Variants in IFIH1 observed in about 807,000 individuals in gnomAD.
The protein encoded by IFIH1 is interferon-induced helicase C domain-containing protein 1.
In IFIH1, 125 loss-of-function variants were observed where a neutral mutation model predicts 107.4. That is an observed-to-expected ratio of 1.16 (90% confidence interval 1.01 to 1.35). The LOEUF (loss-of-function observed/expected upper bound fraction) is 1.35. Ranked by LOEUF, IFIH1 falls within the 40% of genes most tolerant of loss-of-function variation. The pLI, the probability that IFIH1 is intolerant of heterozygous loss-of-function variation, is 0.00. For synonymous variants in IFIH1, 458 were observed against 413.2 expected, an observed-to-expected ratio of 1.11 and a Z score of -1.31; for missense variants, 1,333 against 1,213.7, an observed-to-expected ratio of 1.10 and a Z score of -1.46.
At chr2:162,273,733 C>A (rs1691091135) in intron 12 of IFIH1, 62 bp downstream of exon 12, 2 of 1,195,808 alleles carry the variant, frequency 1.7e-6, no homozygotes, top group Non-Finnish European at 2.3e-6. Flanking sequence ...TAAAAGAAAG[C>A]AATTAAAATA....
At position 162,279,979 on chromosome 2, in the gene IFIH1, A is replaced by G; in HGVS notation, c.1641+17T>C. On this transcript the variant is annotated intron_variant, in intron 8 of 15. Coordinates refer to ENST00000649979, the MANE Select transcript of IFIH1 (RefSeq NM_022168.4). ...GTAGTATTGTCAATCAATAGATATA[A>G]AACATTAAGCCCATACTTCTCTGGT... 7.7e-7 allele frequency: 1 copy of G among 1,304,238 alleles called. No individual in the cohort carries two copies. The highest frequency in any genetic ancestry group is 1.1e-6 in the Non-Finnish European group (1 of 898,048). 80.8% of individuals were successfully genotyped at this position (1,304,238 alleles called of 1,614,324 possible).
rs767679225 is a variant in IFIH1, at chr2:162,284,492, C to T, written c.1096-1916G>A. 1.1e-4 allele frequency among the ~76,000 whole-genome samples: 16 copies of T among 152,024 alleles called. 1 individual carries two copies. The East Asian group carries it at 1.2e-3, about 11-fold the overall frequency. On this transcript the variant is annotated intron_variant, in intron 5 of 15. Coordinates refer to ENST00000649979, the MANE Select transcript of IFIH1 (RefSeq NM_022168.4). Reference sequence around the variant, plus strand: ...TGTATTGTCAGTACTAAAACTTCCACGATATTTCACCAATCCTTTTATTCT... The same window carrying T: ...TGTATTGTCAGTACTAAAACTTCCATGATATTTCACCAATCCTTTTATTCT...
At chr2:162,283,824 C>T (rs2105204518) in intron 5 of IFIH1, among the ~76,000 whole-genome samples, 1 of 151,412 alleles carries the variant, frequency 6.6e-6, no homozygotes, top group African/African-American at 2.4e-5. Flanking sequence ...GTCTGGGGGG[C>T]TGGAAGAAGG....
chr2:162,311,894 A>G (rs1483845789), intron 1 of IFIH1, among the ~76,000 whole-genome samples: 1 of 152,210 alleles, frequency 6.6e-6, no homozygotes, highest in African/African-American at 2.4e-5. Context: ...AAACAACCGT[A>G]AAGCCTTAAA....
chr2:162,272,434 CA>C lies in IFIH1; in HGVS notation c.2455-48del, dbSNP rs762550298. ...GTAAATGAAAGGGTACGTTGTGATA[CA>C]AATCCTCCTGGTTTTTTCTGGGAAT... On this transcript the variant is annotated intron_variant, in intron 12 of 15. Coordinates refer to ENST00000649979, the MANE Select transcript of IFIH1 (RefSeq NM_022168.4). The C allele has an allele frequency of 6.4e-5, 98 of 1,530,516 alleles. No individual in the cohort carries two copies. In the Admixed American group the frequency reaches 1.9e-3, roughly 29 times the overall value. The allele number at this position is 1,530,516 out of a possible 1,614,324, so 94.8% of individuals were successfully genotyped here. A position where few individuals can be genotyped will look rare whatever the true frequency, so the allele number is the denominator to read the frequency against.
chr2:162,280,494 A>G (rs1012432313), intron 7 of IFIH1, among the ~76,000 whole-genome samples: 11 of 152,038 alleles, frequency 7.2e-5, no homozygotes, highest in African/African-American at 2.7e-4. Context: ...TGAGATAACC[A>G]TGTTACATGA....
chr2:162,298,702 A>C (rs1396396624), intron 3 of IFIH1, among the ~76,000 whole-genome samples: 3 of 152,068 alleles, frequency 2.0e-5, no homozygotes, highest in Non-Finnish European at 4.4e-5. Context: ...TTTCCTTTTG[A>C]AATAACTTAA....
chr2:162,283,682 T>C (rs891821220), intron 5 of IFIH1, among the ~76,000 whole-genome samples: 5 of 152,032 alleles, frequency 3.3e-5, no homozygotes, highest in South Asian at 2.1e-4. Context: ...ATCTTTTTAC[T>C]TGAGGTAAGT....
intron 3 of IFIH1, among the ~76,000 whole-genome samples, chr2:162,305,046 C>A (rs1278908027): frequency 6.6e-6 from 1 of 152,170 alleles, no homozygotes; most frequent in Admixed American, 6.5e-5. Context: ...CATACTGCAT[C>A]CAAATGGTGG....
At chr2:162,278,125 TGGGGAA>T in intron 9 of IFIH1, 74 bp downstream of exon 9, 1 of 1,232,062 alleles carries the variant, frequency 8.1e-7, no homozygotes, top group Admixed American at 2.4e-5. Flanking sequence ...TTCCATTTTT[TGGGGAA>T]TCTGTGATAT....
intron 2 of IFIH1, chr2:162,310,562 T>G (rs1683369198): frequency 1.8e-6 from 1 of 563,070 alleles, no homozygotes; most frequent in Non-Finnish European, 3.1e-6. Context: ...GGATGAAAAA[T>G]GGTCTTTGAT....
chr2:162,271,840 A>G (rs1691046256), intron 13 of IFIH1, among the ~76,000 whole-genome samples: 1 of 152,122 alleles, frequency 6.6e-6, no homozygotes, highest in Admixed American at 6.6e-5. Flanking sequence ...CTGTTCCTAT[A>G]AGGTTACCTG....
chr2:162,311,507 G>GT lies in IFIH1; in HGVS notation c.454-575dup, dbSNP rs572529896. Among the ~76,000 whole-genome samples the GT allele has an allele frequency of 2.5e-3, 374 of 150,794 alleles. 4 individuals are homozygous for GT. Among genetic ancestry groups the GT allele is most frequent in the African/African-American group, 8.5e-3 (349 of 41,058 alleles). ...TATAATCAATTTTTCTCAAATTTGT[G>GT]TTTTTTTAATGTTATGGGAAATTTA... On this transcript the variant is annotated intron_variant, in intron 1 of 15. Transcript: ENST00000649979.
chr2:162,318,384 GCCGCTGT>G lies in IFIH1; in HGVS notation c.-84_-78del. On this transcript the variant is annotated 5_prime_UTR_variant, in exon 1 of 16. Coordinates refer to ENST00000649979, the MANE Select transcript of IFIH1 (RefSeq NM_022168.4). ...TCTGCGGGACAGGTGAAATGTGCGT[GCCGCTGT>G]CCGCTGCCCACTTAGAGAAGCAGGG... is the stretch of plus-strand genomic sequence containing the variant. The G allele has an allele frequency of 8.4e-7, 1 of 1,189,842 alleles. No individual in the cohort carries two copies. Among genetic ancestry groups the G allele is most frequent in the South Asian group, 1.3e-5 (1 of 74,188 alleles). 73.7% of individuals were successfully genotyped at this position (1,189,842 alleles called of 1,614,324 possible). A position where few individuals can be genotyped will look rare whatever the true frequency, so the allele number is the denominator to read the frequency against.
intron 3 of IFIH1, among the ~76,000 whole-genome samples, chr2:162,300,069 T>C (rs1438491134): frequency 6.6e-6 from 1 of 152,220 alleles, no homozygotes; most frequent in Non-Finnish European, 1.5e-5. Flanking sequence ...GTAATATAGA[T>C]CTTGCATCTC....
At chr2:162,312,064 T>G (rs1683392961) in intron 1 of IFIH1, among the ~76,000 whole-genome samples, 1 of 152,206 alleles carries the variant, frequency 6.6e-6, no homozygotes, top group Non-Finnish European at 1.5e-5. Context: ...CTTCTCAACA[T>G]TTGCCAATCT....
At chr2:162,272,201 C>A in intron 13 of IFIH1, 25 bp downstream of exon 13, 1 of 1,594,684 alleles carries the variant, frequency 6.3e-7, no homozygotes, top group Non-Finnish European at 8.6e-7. Flanking sequence ...AAATGAAAAT[C>A]AAATTCAGAG....
intron 13 of IFIH1, among the ~76,000 whole-genome samples, chr2:162,271,198 G>A (rs946622999): frequency 6.6e-6 from 1 of 152,102 alleles, no homozygotes; most frequent in African/African-American, 2.4e-5. Context: ...TTATCATTCA[G>A]ATGCAGCTTC....
At chr2:162,284,752 T>C (rs542749288) in intron 5 of IFIH1, among the ~76,000 whole-genome samples, 1 of 152,130 alleles carries the variant, frequency 6.6e-6, no homozygotes, top group African/African-American at 2.4e-5. Context: ...AAATATTAAT[T>C]ATCATATTAT....
Sources: allele counts gnomAD v4.1 joint callset (sites outside exome capture counted in the v4.1 genomes callset), GRCh38; gene constraint gnomAD v4.1.1; transcripts MANE v1.5; gene names NCBI Gene and HGNC (gene_info 2026-07-23, HGNC 2026-07-21).